Variants in MOK observed in about 807,000 individuals in gnomAD.
MOK encodes the protein MAPK/MAK/MRK overlapping kinase.
In MOK, 59 loss-of-function variants were observed where a neutral mutation model predicts 54.2. The ratio of observed to expected loss-of-function variants is 1.09; its 90% CI spans 0.88 to 1.35. The LOEUF (loss-of-function observed/expected upper bound fraction) is 1.35. Among genes scored for constraint, MOK ranks in the 40% most tolerant of loss-of-function variants. The pLI, the probability that MOK is intolerant of heterozygous loss-of-function variation, is 0.00. For synonymous variants in MOK, 210 were observed against 202.7 expected (o/e 1.04, Z -0.31); for missense variants, 517 against 526.2 (o/e 0.98, Z 0.17).
Position 102,249,903 on chromosome 14 carries a change from C to T in MOK, c.590+909G>A, listed in dbSNP as rs1311976001. On this transcript the variant is annotated intron_variant, in intron 7 of 11. Transcript: ENST00000361847. This position sits in a 1 kb window ranked among gnomAD's most constrained non-coding sequence, Gnocchi z 5.3. The stretch of plus-strand genomic sequence containing the variant: ...CAGCTCCAAGTGGGGAGATGAGTGC[C>T]TCAGCCCAGTTTGGTGGCTGGTGCA... Among the ~76,000 whole-genome samples the T allele has an allele frequency of 6.6e-6, 1 of 152,106 alleles. No individual in the cohort carries two copies. The highest frequency in any genetic ancestry group is 1.9e-4 in the East Asian group (1 of 5,198).
At chr14:102,226,825 C>T (rs896977820), downstream of MOK, among the ~76,000 whole-genome samples, 11 of 152,222 alleles carry the variant, frequency 7.2e-5, no homozygotes, top group African/African-American at 2.7e-4. The surrounding 1 kb of genome is among the most constrained non-coding windows in gnomAD (Gnocchi z 4.8). Flanking sequence ...CCACAAACCC[C>T]GCCGCTCCTC....
intron 4 of MOK, among the ~76,000 whole-genome samples, chr14:102,255,966 A>T (rs2066914596): frequency 6.6e-6 from 1 of 152,214 alleles, no homozygotes; most frequent in Non-Finnish European, 1.5e-5. Context: ...CAAGGCATTC[A>T]CTGTGACTCA....
At chr14:102,302,086 A>G (rs1341785439) in intron 1 of MOK, among the ~76,000 whole-genome samples, 2 of 145,712 alleles carry the variant, frequency 1.4e-5, no homozygotes, top group Non-Finnish European at 3.0e-5. Context: ...ACACACATAT[A>G]CTTTTTTTTT....
chr14:102,226,210 G>C, downstream of MOK: 1 of 624,836 alleles, frequency 1.6e-6, no homozygotes, highest in Non-Finnish European at 2.9e-6. The surrounding 1 kb of genome is among the most constrained non-coding windows in gnomAD (Gnocchi z 4.8). Context: ...TGTGGGGTGT[G>C]ACTGGGCTCC....
intron 4 of MOK, among the ~76,000 whole-genome samples, chr14:102,259,232 C>A (rs966897104): frequency 1.3e-5 from 2 of 152,080 alleles, no homozygotes; most frequent in Non-Finnish European, 2.9e-5. Context: ...TTATCTTATT[C>A]TTTAGTCTTT....
intron 1 of MOK, among the ~76,000 whole-genome samples, chr14:102,297,585 C>T (rs1043003512): frequency 5.3e-5 from 8 of 152,216 alleles, no homozygotes; most frequent in East Asian, 3.9e-4. Context: ...TTCAGCTCGC[C>T]GCTGCACTGT....
At chr14:102,217,777 G>A in the MOK span, among the ~76,000 whole-genome samples, 1 of 152,380 alleles carries the variant, frequency 6.6e-6, no homozygotes, top group East Asian at 1.9e-4. Context: ...GAGCAGTTAA[G>A]GAGTGTGTTC....
chr14:102,225,175 C>G (rs1411218524), downstream of MOK: 2 of 207,092 alleles, frequency 9.7e-6, no homozygotes, highest in Non-Finnish European at 1.9e-5. Context: ...ATCCTCCCAT[C>G]TCAGCCTCCC....
chr14:102,262,307 G>A (rs771916950), intron 4 of MOK, among the ~76,000 whole-genome samples: 1 of 152,024 alleles, frequency 6.6e-6, no homozygotes, highest in Non-Finnish European at 1.5e-5. Context: ...CACCATGCCC[G>A]GCTAATTTTT....
At chr14:102,256,023 G>A (rs966634053) in intron 4 of MOK, among the ~76,000 whole-genome samples, 5 of 152,142 alleles carry the variant, frequency 3.3e-5, no homozygotes, top group South Asian at 2.1e-4. Context: ...GCAGAATGAC[G>A]GCATCCCCAG....
chr14:102,279,154 C>T (rs2069161935), intron 2 of MOK, among the ~76,000 whole-genome samples: 1 of 152,150 alleles, frequency 6.6e-6, no homozygotes, highest in South Asian at 2.1e-4. Flanking sequence ...CAGACTTGTG[C>T]CAATGTCACT....
downstream of MOK, among the ~76,000 whole-genome samples, chr14:102,228,581 T>TCCC (rs147564312): frequency 1.3e-5 from 2 of 150,942 alleles, no homozygotes; most frequent in Admixed American, 1.3e-4. Context: ...ATGCACGTAA[T>TCCC]CCCAGCTACT....
rs145555985 is a variant in MOK at position 102,228,863 on chromosome 14, A to G, written c.*426T>C. On this transcript the variant is annotated 3_prime_UTR_variant, in exon 12 of 12. Transcript: ENST00000361847. Reference sequence around the variant, plus strand: ...CTGTAACGACAGCTTATTCTTTAATAAAAGTCAGGGGTGTCAGCAGCGTCA... The same window carrying G: ...CTGTAACGACAGCTTATTCTTTAATGAAAGTCAGGGGTGTCAGCAGCGTCA... 214 of 180,788 alleles carry G rather than the reference A, an allele frequency of 1.2e-3. No individual in the cohort carries two copies. Among genetic ancestry groups the G allele is most frequent in the South Asian group, 3.0e-3 (17 of 5,642 alleles). The allele number at this position is 180,788 out of a possible 1,614,324, so 11.2% of individuals were successfully genotyped here.
At chr14:102,246,458 A>G (rs1364511803) in intron 7 of MOK, among the ~76,000 whole-genome samples, 1 of 152,036 alleles carries the variant, frequency 6.6e-6, no homozygotes, top group African/African-American at 2.4e-5. Context: ...CAATACCTAC[A>G]ACCCCTGAAC....
At chr14:102,237,636 A>T (rs1449884022) in intron 7 of MOK, among the ~76,000 whole-genome samples, 1 of 152,198 alleles carries the variant, frequency 6.6e-6, no homozygotes, top group Non-Finnish European at 1.5e-5. Flanking sequence ...TTGTCACTGC[A>T]CCAGCTCTGT....
At chr14:102,225,511 CTT>C (rs916673974), downstream of MOK, 4 of 152,286 alleles carry the variant, frequency 2.6e-5, no homozygotes, top group Non-Finnish European at 4.4e-5. Context: ...GTGTCCAAAA[CTT>C]TTGTTGGCCC....
rs773309153 is a variant in MOK at position 102,231,692 on chromosome 14, G to A, written c.981+15C>T. The A allele has an allele frequency of 1.9e-5, 30 of 1,605,212 alleles. No individual in the cohort carries two copies. Among genetic ancestry groups the A allele is most frequent in the Non-Finnish European group, 2.5e-5 (29 of 1,174,228 alleles). On this transcript the variant is annotated intron_variant, in intron 10 of 11. Transcript: ENST00000361847. This position sits in a 1 kb window ranked among gnomAD's most constrained non-coding sequence, Gnocchi z 4.4. Reference sequence around the variant, plus strand: ...GCTGAGCTAGGCAGTCTCCGGCTCCGATTTCGCTTAGTACCTGCTTTCTGC... The same window carrying A: ...GCTGAGCTAGGCAGTCTCCGGCTCCAATTTCGCTTAGTACCTGCTTTCTGC...
downstream of MOK, chr14:102,226,376 G>A: frequency 1.4e-6 from 1 of 703,106 alleles, no homozygotes; most frequent in Non-Finnish European, 2.6e-6. This position sits in a 1 kb window ranked among gnomAD's most constrained non-coding sequence, Gnocchi z 4.8. Flanking sequence ...GAGGAGGACG[G>A]CTGAGGCCTC....
intron 2 of MOK, among the ~76,000 whole-genome samples, chr14:102,273,056 G>C (rs567196739): frequency 2.1e-4 from 32 of 152,168 alleles, no homozygotes; most frequent in Non-Finnish European, 2.9e-5. Flanking sequence ...TGTAGTCCCA[G>C]CTACTTGGGA....
Sources: allele counts gnomAD v4.1 joint callset (sites outside exome capture counted in the v4.1 genomes callset), GRCh38; gene constraint gnomAD v4.1.1; non-coding constraint Gnocchi (gnomAD v3.1); transcripts MANE v1.5; gene names NCBI Gene and HGNC (gene_info 2026-07-23, HGNC 2026-07-21).